Variants in TNFRSF19 observed in about 807,000 individuals in gnomAD.
The protein encoded by TNFRSF19 is tumor necrosis factor receptor superfamily member 19.
In TNFRSF19, 27 loss-of-function variants were observed where a neutral mutation model predicts 46.4. That is an observed-to-expected ratio of 0.58 (90% confidence interval 0.43 to 0.80). The LOEUF is 0.80. Among genes scored for constraint, TNFRSF19 ranks in the 30% least tolerant of loss-of-function variants. The pLI is 0.00. For missense variants in TNFRSF19, 511 were observed against 530.8 expected, an observed-to-expected ratio of 0.96 and a Z score of 0.37; for synonymous variants, 204 against 205.0, an observed-to-expected ratio of 1.00 and a Z score of 0.04.
At chr13:23,587,692 A>G (rs1878942596) in intron 1 of TNFRSF19, among the ~76,000 whole-genome samples, 1 of 152,156 alleles carries the variant, frequency 6.6e-6, no homozygotes, top group Admixed American at 6.5e-5. Flanking sequence ...CCTGTTATGG[A>G]GTTGCCAGGC....
At chr13:23,668,234 A>G in intron 8 of TNFRSF19, 152 bp downstream of exon 8, 2 of 721,528 alleles carry the variant, frequency 2.8e-6, no homozygotes, top group East Asian at 5.7e-5. Flanking sequence ...CTCAGGGAAG[A>G]ATTAGGTAGC....
At chr13:23,669,825 A>C in intron 9 of TNFRSF19, 1 of 555,314 alleles carries the variant, frequency 1.8e-6, no homozygotes, top group Non-Finnish European at 2.3e-6. Context: ...ATTTGACCTA[A>C]TGTTTGTAAA....
intron 4 of TNFRSF19, among the ~76,000 whole-genome samples, chr13:23,618,092 T>A (rs1881427394): frequency 1.3e-5 from 2 of 152,150 alleles, no homozygotes; most frequent in Admixed American, 6.5e-5. Context: ...TAAGATGTAG[T>A]GGGCTAACAC....
chr13:23,603,498 TA>T (rs1566177884), intron 3 of TNFRSF19, among the ~76,000 whole-genome samples: 1 of 151,954 alleles, frequency 6.6e-6, no homozygotes, highest in Admixed American at 6.6e-5. Flanking sequence ...CCCTAATGCC[TA>T]AACCAAAGAC....
chr13:23,578,344 A>G (rs1878107764), intron 1 of TNFRSF19, among the ~76,000 whole-genome samples: 1 of 152,154 alleles, frequency 6.6e-6, no homozygotes. Context: ...TTAGATTTGA[A>G]ATATACAACC....
chr13:23,633,250 C>T (rs1468614404), intron 5 of TNFRSF19, among the ~76,000 whole-genome samples: 2 of 152,030 alleles, frequency 1.3e-5, no homozygotes, highest in African/African-American at 4.8e-5. Flanking sequence ...GTAGCTGGGC[C>T]CACAGGTACA....
At chr13:23,624,553 T>C (rs1881868070) in intron 4 of TNFRSF19, among the ~76,000 whole-genome samples, 1 of 152,178 alleles carries the variant, frequency 6.6e-6, no homozygotes, top group South Asian at 2.1e-4. Context: ...TACTACATTA[T>C]GCAGTTTCAC....
chr13:23,632,799 C>T (rs1183439186), intron 5 of TNFRSF19, among the ~76,000 whole-genome samples: 1 of 152,098 alleles, frequency 6.6e-6, no homozygotes, highest in Non-Finnish European at 1.5e-5. Flanking sequence ...CATTACTGTA[C>T]CAAGCCAAAC....
At chr13:23,606,665 A>G (rs1880534618) in intron 3 of TNFRSF19, among the ~76,000 whole-genome samples, 1 of 152,230 alleles carries the variant, frequency 6.6e-6, no homozygotes, top group African/African-American at 2.4e-5. Flanking sequence ...TATGTTATAA[A>G]TCATATATTT....
chr13:23,598,397 C>T (rs1423036353), intron 3 of TNFRSF19, among the ~76,000 whole-genome samples: 2 of 151,988 alleles, frequency 1.3e-5, no homozygotes, highest in Non-Finnish European at 2.9e-5. Context: ...ATATATAAAC[C>T]CTAAATCATT....
At chr13:23,661,786 A>T (rs1198010901) in intron 7 of TNFRSF19, among the ~76,000 whole-genome samples, 1 of 152,028 alleles carries the variant, frequency 6.6e-6, no homozygotes, top group Admixed American at 6.6e-5. Flanking sequence ...CATTTCTCTA[A>T]TCATCAGTGC....
chr13:23,590,000 GTCTTTTT>G, intron 1 of TNFRSF19, 143 bp from the exon 2 acceptor site: 1 of 373,750 alleles, frequency 2.7e-6, no homozygotes. Flanking sequence ...TATATTATTT[GTCTTTTT>G]TCTTTTTTAA....
chr13:23,641,471 A>G (rs1444086847), intron 5 of TNFRSF19, among the ~76,000 whole-genome samples: 1 of 152,118 alleles, frequency 6.6e-6, no homozygotes, highest in Non-Finnish European at 1.5e-5. Flanking sequence ...CTGGGGTTAC[A>G]GGCATATGCC....
intron 1 of TNFRSF19, among the ~76,000 whole-genome samples, chr13:23,588,596 A>G (rs978881924): frequency 1.3e-5 from 2 of 152,176 alleles, no homozygotes; most frequent in African/African-American, 4.8e-5. Flanking sequence ...ATTAGTTTTA[A>G]TTCCACCTAA....
intron 9 of TNFRSF19, chr13:23,669,729 G>A (rs1378972485): frequency 9.1e-6 from 9 of 984,428 alleles, no homozygotes; most frequent in Non-Finnish European, 1.1e-5. Context: ...GGCTTTCTGC[G>A]TGCTGCAAAG....
At chr13:23,616,838 C>CA (rs753497505) in intron 4 of TNFRSF19, among the ~76,000 whole-genome samples, 17 of 152,288 alleles carry the variant, frequency 1.1e-4, no homozygotes, top group Non-Finnish European at 2.1e-4. Flanking sequence ...CTCAGCCTCC[C>CA]AAAGTGCTGG....
chr13:23,602,601 A>G (rs1008869758), intron 3 of TNFRSF19, among the ~76,000 whole-genome samples: 1 of 152,086 alleles, frequency 6.6e-6, no homozygotes, highest in African/African-American at 2.4e-5. Context: ...AAGCTAGACC[A>G]CATATGGGGC....
intron 3 of TNFRSF19, among the ~76,000 whole-genome samples, chr13:23,596,267 A>C (rs1307398097): frequency 6.6e-6 from 1 of 152,202 alleles, no homozygotes; most frequent in African/African-American, 2.4e-5. Context: ...TATTAACCTT[A>C]AATGTAAATG....
intron 5 of TNFRSF19, among the ~76,000 whole-genome samples, chr13:23,646,559 T>A (rs1483004836): frequency 1.3e-5 from 2 of 152,228 alleles, no homozygotes; most frequent in Non-Finnish European, 2.9e-5. Flanking sequence ...TGTGTCTGGC[T>A]TATTTCATTT....
Sources: allele counts gnomAD v4.1 joint callset (sites outside exome capture counted in the v4.1 genomes callset), GRCh38; gene constraint gnomAD v4.1.1; transcripts MANE v1.5; gene names NCBI Gene and HGNC (gene_info 2026-07-23, HGNC 2026-07-21).